PDLIM5: variants seen among roughly 807,000 people sequenced by gnomAD.
PDLIM5 encodes the protein PDZ and LIM domain 5, also known as PDZ and LIM domain protein 5.
PDLIM5 carries 34 observed loss-of-function variants against 64.2 expected under a neutral mutation model. The observed-to-expected ratio is 0.53, with a 90% CI of 0.40 to 0.71. The LOEUF (loss-of-function observed/expected upper bound fraction) is 0.71, where lower values mean the gene tolerates loss of function less well. Ranked by LOEUF, PDLIM5 falls within the 30% of genes least tolerant of loss-of-function variation. PDLIM5 has a pLI of 0.00. For synonymous variants in PDLIM5, 253 were observed against 269.1 expected, an observed-to-expected ratio of 0.94 and a Z score of 0.59; for missense variants, 683 against 733.6, an observed-to-expected ratio of 0.93 and a Z score of 0.80.
chr4:94,637,091 A>G (rs1336639962), intron 8 of PDLIM5, among the ~76,000 whole-genome samples: 2 of 152,152 alleles, frequency 1.3e-5, no homozygotes, highest in Non-Finnish European at 2.9e-5. Context: ...GGGATAGTGA[A>G]TAAACTATAG....
At chr4:94,525,265 A>G (rs1308009491) in intron 3 of PDLIM5, among the ~76,000 whole-genome samples, 1 of 152,126 alleles carries the variant, frequency 6.6e-6, no homozygotes, top group Non-Finnish European at 1.5e-5. Context: ...CTATAAATAC[A>G]AAAATTAGAT....
chr4:94,573,177 T>G (rs1734950520), intron 3 of PDLIM5, among the ~76,000 whole-genome samples, 174 bp from the exon 4 acceptor site: 2 of 152,206 alleles, frequency 1.3e-5, no homozygotes, highest in Non-Finnish European at 2.9e-5. Context: ...GCATTTGACT[T>G]ACATGAATGA....
At chr4:94,567,148 A>G (rs534356367) in intron 3 of PDLIM5, among the ~76,000 whole-genome samples, 1 of 152,176 alleles carries the variant, frequency 6.6e-6, no homozygotes, top group East Asian at 1.9e-4. Flanking sequence ...GCCCGCCACC[A>G]CACCTGGCTA....
At chr4:94,542,387 CTG>C (rs939116437) in intron 3 of PDLIM5, among the ~76,000 whole-genome samples, 4 of 151,824 alleles carry the variant, frequency 2.6e-5, no homozygotes, top group African/African-American at 9.7e-5. Flanking sequence ...AGATGGAAGT[CTG>C]TATATTGGGC....
intron 2 of PDLIM5, among the ~76,000 whole-genome samples, chr4:94,495,510 G>GA (rs796436284): frequency 0.02 from 2,849 of 144,134 alleles, 91 homozygotes; most frequent in African/African-American, 0.066. Flanking sequence ...GAGCTTAGTT[G>GA]AAAAAAAAAA....
Position 94,657,988 on chromosome 4 carries a change from G to T in PDLIM5, c.1585+441G>T, listed in dbSNP as rs544432813. Reference sequence around the variant, plus strand: ...CGGGATTACAGGCATGAGCCACTGCGCCTGGCCCTATATAGACTTTTTAAT... The same window carrying T: ...CGGGATTACAGGCATGAGCCACTGCTCCTGGCCCTATATAGACTTTTTAAT... On this transcript the variant is annotated intron_variant, in intron 11 of 12. Transcript: ENST00000317968. 3.9e-5 allele frequency among the ~76,000 whole-genome samples: 6 copies of T among 152,298 alleles called. No individual in the cohort carries two copies. The East Asian group carries it at 5.8e-4, about 15-fold the overall frequency.
chr4:94,645,337 C>A (rs548675423), intron 9 of PDLIM5, among the ~76,000 whole-genome samples: 2 of 152,258 alleles, frequency 1.3e-5, no homozygotes, highest in South Asian at 4.1e-4. Flanking sequence ...GGGCTAGTTC[C>A]ATATTTTTGC....
chr4:94,485,876 A>T (rs985731799), intron 2 of PDLIM5, among the ~76,000 whole-genome samples: 3 of 152,008 alleles, frequency 2.0e-5, no homozygotes, highest in South Asian at 2.1e-4. Context: ...AGAAAAAGAA[A>T]TATTATCTCT....
At chr4:94,462,653 A>G (rs1305996129) in intron 2 of PDLIM5, among the ~76,000 whole-genome samples, 3 of 152,108 alleles carry the variant, frequency 2.0e-5, no homozygotes, top group Admixed American at 1.3e-4. Context: ...ATATGTTTGT[A>G]TATTTGTATA....
intron 7 of PDLIM5, among the ~76,000 whole-genome samples, chr4:94,602,314 TA>T (rs1737571328): frequency 6.6e-6 from 1 of 152,214 alleles, no homozygotes; most frequent in African/African-American, 2.4e-5. Flanking sequence ...ATGTTTGCAT[TA>T]TTTTTAAGAT....
chr4:94,588,478 G>A (rs763488924), intron 7 of PDLIM5, among the ~76,000 whole-genome samples: 1 of 152,034 alleles, frequency 6.6e-6, no homozygotes, highest in Admixed American at 6.6e-5. Flanking sequence ...CAGGAGAATC[G>A]CTTGAACCCG....
intron 7 of PDLIM5, among the ~76,000 whole-genome samples, chr4:94,609,429 A>G (rs1578465108): frequency 6.6e-6 from 1 of 152,304 alleles, no homozygotes. Context: ...TATTATTTTA[A>G]TTAATAAATA....
intron 3 of PDLIM5, among the ~76,000 whole-genome samples, chr4:94,541,374 A>G (rs1365981012): frequency 2.6e-5 from 4 of 152,220 alleles, no homozygotes; most frequent in Non-Finnish European, 4.4e-5. Context: ...GTGCTAAAAT[A>G]TGTTTTAAAC....
intron 2 of PDLIM5, among the ~76,000 whole-genome samples, chr4:94,458,845 G>A (rs1465712980): frequency 6.6e-6 from 1 of 152,136 alleles, no homozygotes; most frequent in Non-Finnish European, 1.5e-5. Context: ...TATGAATTTT[G>A]TATACTGTTT....
intron 3 of PDLIM5, among the ~76,000 whole-genome samples, chr4:94,530,144 G>A (rs1372105584): frequency 1.3e-5 from 2 of 151,958 alleles, no homozygotes; most frequent in Non-Finnish European, 2.9e-5. Context: ...TAAACTACTG[G>A]GCCTTAATTT....
At chr4:94,637,060 T>A (rs1161907187) in intron 8 of PDLIM5, among the ~76,000 whole-genome samples, 1 of 152,132 alleles carries the variant, frequency 6.6e-6, no homozygotes, top group Non-Finnish European at 1.5e-5. Context: ...ACAGAGGCAG[T>A]GTCTGGTGTG....
Position 94,640,421 on chromosome 4 carries a change from G to A in PDLIM5, c.1254G>A (p.Pro418=), listed in dbSNP as rs373251894. The change falls in exon 9 of 13, where the codon CCG becomes CCA. Residue 418 remains proline, a synonymous_variant. Transcript: ENST00000317968. ...ACATTCCAGCAGGGAAACGAACTCCGATGTGCGCCCATTGTAACCAGGTCA... is the reference window on the plus strand; with the variant it reads ...ACATTCCAGCAGGGAAACGAACTCCAATGTGCGCCCATTGTAACCAGGTCA... ...AEHIPAGKRT[P]MCAHCNQVIR... is the part of the protein sequence containing the mutation. 11 of 1,605,556 alleles carry A rather than the reference G, an allele frequency of 6.9e-6. No individual in the cohort carries two copies. The highest frequency in any genetic ancestry group is 2.3e-5 in the East Asian group (1 of 44,430).
intron 11 of PDLIM5, among the ~76,000 whole-genome samples, chr4:94,660,660 A>C (rs1296031816): frequency 6.6e-6 from 1 of 152,212 alleles, no homozygotes; most frequent in Non-Finnish European, 1.5e-5. Flanking sequence ...GCCTTGAACA[A>C]TGCCTGGCAC....
At chr4:94,457,470 A>G (rs868258871) in intron 2 of PDLIM5, among the ~76,000 whole-genome samples, 2 of 152,258 alleles carry the variant, frequency 1.3e-5, no homozygotes, top group South Asian at 4.1e-4. Context: ...TTTGAGTATT[A>G]TTGGTTTTTA....
Sources: allele counts gnomAD v4.1 joint callset (sites outside exome capture counted in the v4.1 genomes callset), GRCh38; gene constraint gnomAD v4.1.1; transcripts MANE v1.5; gene names NCBI Gene and HGNC (gene_info 2026-07-23, HGNC 2026-07-21).